PPP1R16A: variants seen among roughly 807,000 people sequenced by gnomAD.
The protein encoded by PPP1R16A is myosin phosphatase-targeting subunit 3.
A neutral mutation model predicts 46.6 loss-of-function variants in PPP1R16A; 39 were observed. That is an observed-to-expected ratio of 0.84 (90% CI 0.65 to 1.09). The LOEUF (loss-of-function observed/expected upper bound fraction) is 1.09, where lower values mean the gene tolerates loss of function less well. Ranked by LOEUF, PPP1R16A falls within the 50% of genes least tolerant of loss-of-function variation. The pLI is 0.00. For synonymous variants in PPP1R16A, 413 were observed against 321.5 expected, an observed-to-expected ratio of 1.28 and a Z score of -3.04; for missense variants, 798 against 735.6, an observed-to-expected ratio of 1.08 and a Z score of -0.98.
intron 1 of PPP1R16A, among the ~76,000 whole-genome samples, chr8:144,483,072 G>T (rs555780158): frequency 6.6e-6 from 1 of 152,270 alleles, no homozygotes; most frequent in Admixed American, 6.5e-5. Flanking sequence ...GTGAGCCACC[G>T]CGCCCGGCCC....
intron 1 of PPP1R16A, among the ~76,000 whole-genome samples, chr8:144,481,130 T>TCCGCCCGCCTCGGCCTCCCAGCA (rs1825400253): frequency 2.0e-5 from 3 of 151,410 alleles, no homozygotes; most frequent in South Asian, 4.2e-4. Context: ...GACCTCGTGA[T>TCCGCCCGCCTCGGCCTCCCAGCA]CCGCCCGCCT....
rs1033434526 is a variant in PPP1R16A at position 144,501,914 on chromosome 8, C to G, written c.*11C>G. 7.3e-6 allele frequency: 11 copies of G among 1,509,236 alleles called. No homozygotes were observed. The South Asian group carries it at 1.0e-4, about 14-fold the overall frequency. The allele number at this position is 1,509,236 out of a possible 1,614,324, so 93.5% of individuals were successfully genotyped here. On this transcript the variant is annotated 3_prime_UTR_variant, in exon 12 of 12. Transcript: ENST00000435887. ...TGCCTGCTCATGTGAGGCTGTTGCT[C>G]AGCATGCAGGGGCCCTGTCGCGGGC...
chr8:144,481,536 C>T (rs1049201973), intron 1 of PPP1R16A, among the ~76,000 whole-genome samples: 8 of 151,624 alleles, frequency 5.3e-5, no homozygotes, highest in Non-Finnish European at 1.2e-4. Flanking sequence ...TCCAGCTACT[C>T]GGGAGGCTGA....
At chr8:144,486,051 T>A (rs1825615583) in intron 1 of PPP1R16A, among the ~76,000 whole-genome samples, 1 of 152,220 alleles carries the variant, frequency 6.6e-6, no homozygotes, top group South Asian at 2.1e-4. Context: ...GACCATCATG[T>A]TTCACCTGTT....
At chr8:144,479,204 G>C (rs1825300232) in intron 1 of PPP1R16A, 1 of 152,572 alleles carries the variant, frequency 6.6e-6, no homozygotes. Flanking sequence ...GACTCGCCGA[G>C]AGGAGCTCCG....
chr8:144,486,029 T>C (rs984045312), intron 1 of PPP1R16A, among the ~76,000 whole-genome samples: 2 of 152,240 alleles, frequency 1.3e-5, no homozygotes, highest in Non-Finnish European at 2.9e-5. Flanking sequence ...ACGTCTATGG[T>C]ATGGATGGAC....
In PPP1R16A at chr8:144,500,608, G is replaced by A; in HGVS notation, c.827G>A (p.Gly276Asp). 6.2e-7 allele frequency: 1 copy of A among 1,601,466 alleles called. No homozygotes were observed. Among genetic ancestry groups the A allele is most frequent in the Non-Finnish European group, 8.5e-7 (1 of 1,179,150 alleles). ...CCGCTGCACGCCGCGGCCTACTGGG[G>A]CCAGGTGAGTGCGGGCGGGAGCAGG... ...WEPLHAAAYW[G>D]QVPLVELLVA... The change falls in exon 8 of 12, where the codon GGC becomes GAC. Residue 276 changes from glycine to aspartate, a missense_variant. Physicochemically the swap from Gly to Asp is moderately conservative, Grantham distance 94. Coordinates refer to ENST00000435887, the MANE Select transcript of PPP1R16A (RefSeq NM_001329443.2).
chr8:144,483,950 A>G (rs1414054882), intron 1 of PPP1R16A, among the ~76,000 whole-genome samples: 1 of 152,082 alleles, frequency 6.6e-6, no homozygotes, highest in Non-Finnish European at 1.5e-5. Context: ...TCCAACTTCT[A>G]GGAATGTGCT....
intron 1 of PPP1R16A, among the ~76,000 whole-genome samples, chr8:144,482,278 G>T (rs1427573935): frequency 6.6e-6 from 1 of 151,980 alleles, no homozygotes; most frequent in Non-Finnish European, 1.5e-5. Flanking sequence ...TCTCCATGTT[G>T]GCCAGACTAC....
At position 144,498,933 on chromosome 8, in the gene PPP1R16A, C is replaced by T. The variant is rs146731049; in HGVS notation, c.348C>T (p.Phe116=). Residue 116 remains phenylalanine (F), a synonymous_variant, in exon 5 of 12, where the codon TTC becomes TTT. Coordinates refer to ENST00000435887, the MANE Select transcript of PPP1R16A (RefSeq NM_001329443.2). ...GTTTGCAGTGCTGCATTGATGATTT[C>T]CGAGAGATGGTGCAGCAGCTCCTGG... ...TALHQCCIDD[F]REMVQQLLEA... is the part of the protein sequence containing the mutation. 242 of 1,612,756 alleles carry T rather than the reference C, an allele frequency of 1.5e-4. No individual in the cohort carries two copies. The highest frequency in any genetic ancestry group is 1.8e-4 in the Non-Finnish European group (213 of 1,179,932).
intron 3 of PPP1R16A, 38 bp downstream of exon 3, chr8:144,497,491 G>T (rs765230005): frequency 1.2e-6 from 2 of 1,602,434 alleles, no homozygotes; most frequent in African/African-American, 2.7e-5. Flanking sequence ...CCCAGCAGAC[G>T]GCCCACTCCC....
intron 5 of PPP1R16A, chr8:144,499,315 C>G (rs551483696): frequency 1.3e-5 from 7 of 542,622 alleles, no homozygotes; most frequent in Admixed American, 3.3e-5. Context: ...GGCCCCCCCC[C>G]AGAGTGTGCA....
rs1252144361 is a variant in PPP1R16A, at chr8:144,500,976, G to A, written c.1037+5G>A. ...CTCCAGCGCCGGCAGCCGCGGGTGA[G>A]CGCCGCCCCCAGCAGGCCCCGCCCC... is the stretch of plus-strand genomic sequence containing the variant. On this transcript the variant is annotated splice_donor_5th_base_variant and intron_variant, in intron 10 of 11. Coordinates refer to ENST00000435887, the MANE Select transcript of PPP1R16A (RefSeq NM_001329443.2). 2 of 1,450,346 alleles carry A rather than the reference G, an allele frequency of 1.4e-6. No homozygotes were observed. The highest frequency in any genetic ancestry group is 3.0e-5 in the African/African-American group (2 of 67,086). 89.8% of individuals were successfully genotyped at this position (1,450,346 alleles called of 1,614,324 possible).
At chr8:144,501,000 C>T in intron 10 of PPP1R16A, 29 bp downstream of exon 10, 6 of 1,437,168 alleles carry the variant, frequency 4.2e-6, no homozygotes, top group Non-Finnish European at 5.4e-6. Flanking sequence ...AGGCCCCGCC[C>T]CGGGCTTGGC....
intron 1 of PPP1R16A, among the ~76,000 whole-genome samples, chr8:144,479,736 C>T (rs959136080): frequency 3.9e-5 from 6 of 152,190 alleles, no homozygotes; most frequent in Non-Finnish European, 7.3e-5. Context: ...CTAACCCTAG[C>T]ACTTGTGCCA....
chr8:144,480,974 C>T (rs934947510), intron 1 of PPP1R16A, among the ~76,000 whole-genome samples: 3 of 151,324 alleles, frequency 2.0e-5, no homozygotes, highest in Admixed American at 6.6e-5. Flanking sequence ...CTGCAAGCTC[C>T]GCCTCCTGGG....
At chr8:144,490,912 A>C (rs1037808432) in intron 2 of PPP1R16A, among the ~76,000 whole-genome samples, 5 of 151,760 alleles carry the variant, frequency 3.3e-5, no homozygotes, top group Non-Finnish European at 5.9e-5. Flanking sequence ...GACAATAACA[A>C]ATTAGCCGGG....
At chr8:144,481,291 C>T (rs150570054) in intron 1 of PPP1R16A, among the ~76,000 whole-genome samples, 89 of 152,304 alleles carry the variant, frequency 5.8e-4, no homozygotes, top group African/African-American at 2.1e-3. Flanking sequence ...CTTCCTCACA[C>T]CCAGCCCAGG....
At chr8:144,479,543 G>A (rs1260625994) in intron 1 of PPP1R16A, among the ~76,000 whole-genome samples, 1 of 152,120 alleles carries the variant, frequency 6.6e-6, no homozygotes, top group Admixed American at 6.5e-5. Flanking sequence ...CACCTAGCAA[G>A]GGGGCTCCTC....
Sources: allele counts gnomAD v4.1 joint callset (sites outside exome capture counted in the v4.1 genomes callset), GRCh38; gene constraint gnomAD v4.1.1; transcripts MANE v1.5; gene names NCBI Gene and HGNC (gene_info 2026-07-23, HGNC 2026-07-21).